The following CNGB3 variants were observed in gnomAD, a reference collection of about 807,000 sequenced individuals.
CNGB3 encodes cyclic nucleotide gated channel subunit beta 3, also known as cyclic nucleotide-gated channel beta-3.
A neutral mutation model predicts 92.8 loss-of-function variants in CNGB3; 86 were observed. The ratio of observed to expected loss-of-function variants is 0.93; its 90% CI spans 0.78 to 1.11. The LOEUF (loss-of-function observed/expected upper bound fraction) is 1.11, where lower values mean the gene tolerates loss of function less well. Ranked by LOEUF, CNGB3 falls within the 50% of genes least tolerant of loss-of-function variation. CNGB3 has a pLI of 0.00. For missense variants in CNGB3, 1,026 were observed against 956.8 expected, an observed-to-expected ratio of 1.07 and a Z score of -0.95; for synonymous variants, 333 against 332.7, an observed-to-expected ratio of 1.00 and a Z score of -0.01.
intron 2 of CNGB3, among the ~76,000 whole-genome samples, chr8:86,727,678 GA>G (rs2131672970): frequency 6.6e-6 from 1 of 152,162 alleles, no homozygotes; most frequent in South Asian, 2.1e-4. Flanking sequence ...AGAAAATGTA[GA>G]AGCGGAAAAG....
Position 86,589,005 on chromosome 8 carries a change from A to G in CNGB3, c.1782-9753T>C, listed in dbSNP as rs1821961523. 3.3e-5 allele frequency among the ~76,000 whole-genome samples: 5 copies of G among 152,186 alleles called. No individual in the cohort carries two copies. In the South Asian group the frequency reaches 1.0e-3, roughly 32 times the overall value. On this transcript the variant is annotated intron_variant, in intron 15 of 17. Coordinates refer to ENST00000320005, the MANE Select transcript of CNGB3 (RefSeq NM_019098.5). ...GGTTGTTAAGCTATTGAATATTGCCACAATTTCAGATCCTGTTATTGGTCT... is the reference window on the plus strand; with the variant it reads ...GGTTGTTAAGCTATTGAATATTGCCGCAATTTCAGATCCTGTTATTGGTCT...
chr8:86,596,114 G>C lies in CNGB3; in HGVS notation c.1781+7979C>G, dbSNP rs541824621. On this transcript the variant is annotated intron_variant, in intron 15 of 17. Coordinates refer to ENST00000320005, the MANE Select transcript of CNGB3 (RefSeq NM_019098.5). The stretch of plus-strand genomic sequence containing the variant: ...AATGATCACGTTTATGAAAATAAAT[G>C]GGCCCATAGGAAATCAATTCATTTA... 3.9e-5 allele frequency among the ~76,000 whole-genome samples: 6 copies of C among 152,258 alleles called. No homozygotes were observed. The East Asian group carries it at 1.2e-3, about 29-fold the overall frequency.
intron 6 of CNGB3, chr8:86,657,780 T>A: frequency 2.0e-6 from 1 of 491,808 alleles, no homozygotes; most frequent in Non-Finnish European, 4.1e-6. Context: ...CTTCATCTCC[T>A]CCTTGTCCTG....
intron 13 of CNGB3, among the ~76,000 whole-genome samples, chr8:86,623,793 C>T (rs1822789714): frequency 6.6e-6 from 1 of 152,194 alleles, no homozygotes; most frequent in South Asian, 2.1e-4. Context: ...CTTCTTGTTC[C>T]TCAGGCCTAA....
chr8:86,611,173 G>GT (rs1822511933), intron 14 of CNGB3, among the ~76,000 whole-genome samples: 1 of 152,108 alleles, frequency 6.6e-6, no homozygotes, highest in African/African-American at 2.4e-5. Flanking sequence ...GCACAGTACA[G>GT]TTTTTTAAAA....
chr8:86,655,666 C>G (rs1322169516), intron 6 of CNGB3, among the ~76,000 whole-genome samples: 1 of 152,102 alleles, frequency 6.6e-6, no homozygotes, highest in Non-Finnish European at 1.5e-5. Context: ...GTTGGTCTGT[C>G]CTAGACATTC....
At chr8:86,647,435 C>T (rs1823310392) in intron 8 of CNGB3, among the ~76,000 whole-genome samples, 1 of 150,454 alleles carries the variant, frequency 6.6e-6, no homozygotes, top group South Asian at 2.1e-4. Context: ...CTTAATTTTA[C>T]ATCCCATACA....
In CNGB3 at chr8:86,639,967, C is replaced by T. The variant is rs114642805; in HGVS notation, c.1178+3784G>A. ...GGAATTTATCGAAACTAGGTTTGGG[C>T]CTAGAAAATGATCACTTTTAGTAGT... On this transcript the variant is annotated intron_variant, in intron 10 of 17. Coordinates refer to ENST00000320005, the MANE Select transcript of CNGB3 (RefSeq NM_019098.5). Among the ~76,000 whole-genome samples the T allele has an allele frequency of 8.9e-3, 1,345 of 151,922 alleles. 19 individuals are homozygous for T. The highest frequency in any genetic ancestry group is 0.031 in the African/African-American group (1,271 of 41,460).
In CNGB3 at chr8:86,658,663, T is replaced by G. The variant is rs150683276; in HGVS notation, c.853-4601A>C. Reference sequence around the variant, plus strand: ...GCCTCTTGGCTCTTCAGCTCTACCATCTCCTTCAGCTCACCCAGCTTCTCG... The same window carrying G: ...GCCTCTTGGCTCTTCAGCTCTACCAGCTCCTTCAGCTCACCCAGCTTCTCG... On this transcript the variant is annotated intron_variant, in intron 6 of 17. Transcript: ENST00000320005. 775 of 359,644 alleles carry G rather than the reference T, an allele frequency of 2.2e-3. 6 individuals carry two copies. Among genetic ancestry groups the G allele is most frequent in the African/African-American group, 0.015 (737 of 47,904 alleles). 22.3% of individuals were successfully genotyped at this position (359,644 alleles called of 1,614,324 possible). A position where few individuals can be genotyped will look rare whatever the true frequency, so the allele number is the denominator to read the frequency against.
rs148560150 is a variant in CNGB3, at chr8:86,737,823, C to T, written c.211+1832G>A. ...TTTAGCTCCCACAAGTGAGAACATG[C>T]GGTATTTGGTTTTCTGTTCCTGAGT... On this transcript the variant is annotated intron_variant, in intron 2 of 17. Coordinates refer to ENST00000320005, the MANE Select transcript of CNGB3 (RefSeq NM_019098.5). Among the ~76,000 whole-genome samples the T allele has an allele frequency of 6.6e-5, 10 of 152,234 alleles. No homozygotes were observed. In the South Asian group the frequency reaches 1.0e-3, roughly 16 times the overall value.
chr8:86,607,235 C>T (rs1342310959), intron 14 of CNGB3, among the ~76,000 whole-genome samples: 1 of 152,164 alleles, frequency 6.6e-6, no homozygotes, highest in Non-Finnish European at 1.5e-5. Flanking sequence ...TATTTCTAGG[C>T]TAATTTAAGC....
intron 15 of CNGB3, among the ~76,000 whole-genome samples, chr8:86,583,134 C>T (rs530015029): frequency 1.6e-4 from 24 of 152,276 alleles, no homozygotes; most frequent in African/African-American, 5.1e-4. Flanking sequence ...CTCTTGACCT[C>T]AGGTGATCTG....
At chr8:86,648,498 T>C (rs1032167656) in intron 7 of CNGB3, among the ~76,000 whole-genome samples, 3 of 151,190 alleles carry the variant, frequency 2.0e-5, no homozygotes, top group African/African-American at 7.3e-5. Context: ...GCAGCTCTGA[T>C]GGGAGAAGGT....
intron 15 of CNGB3, among the ~76,000 whole-genome samples, chr8:86,591,501 T>G (rs1822035192): frequency 6.7e-6 from 1 of 149,772 alleles, no homozygotes; most frequent in African/African-American, 2.4e-5. Context: ...ATGATGGTGA[T>G]GTACAGATGG....
At chr8:86,655,095 A>C (rs941409623) in intron 6 of CNGB3, among the ~76,000 whole-genome samples, 1 of 152,098 alleles carries the variant, frequency 6.6e-6, no homozygotes, top group African/African-American at 2.4e-5. Context: ...TCTCATCTAC[A>C]CTGCTTAGTG....
chr8:86,593,148 G>C (rs544236248), intron 15 of CNGB3, among the ~76,000 whole-genome samples: 29 of 152,170 alleles, frequency 1.9e-4, no homozygotes, highest in Non-Finnish European at 3.7e-4. Flanking sequence ...AGATATTACA[G>C]ATATAAAATG....
chr8:86,630,540 A>C (rs749181693), intron 11 of CNGB3, among the ~76,000 whole-genome samples: 5 of 152,142 alleles, frequency 3.3e-5, no homozygotes, highest in Admixed American at 6.6e-5. Flanking sequence ...AGTTTCTGTG[A>C]GTTGCATCAC....
At chr8:86,596,743 T>G (rs1242981067) in intron 15 of CNGB3, among the ~76,000 whole-genome samples, 1 of 152,084 alleles carries the variant, frequency 6.6e-6, no homozygotes, top group Admixed American at 6.5e-5. Context: ...TTATCGCTGC[T>G]CTGTTCACAA....
At chr8:86,699,981 T>C (rs1824521775) in intron 3 of CNGB3, among the ~76,000 whole-genome samples, 1 of 152,122 alleles carries the variant, frequency 6.6e-6, no homozygotes, top group Admixed American at 6.6e-5. Context: ...TCAATCCAAA[T>C]CAAGCCAAAT....
Sources: allele counts gnomAD v4.1 joint callset (sites outside exome capture counted in the v4.1 genomes callset), GRCh38; gene constraint gnomAD v4.1.1; transcripts MANE v1.5; gene names NCBI Gene and HGNC (gene_info 2026-07-23, HGNC 2026-07-21).